Variants in GRM8 observed in about 807,000 individuals in gnomAD.
GRM8 encodes glutamate metabotropic receptor 8.
A neutral mutation model predicts 87.2 loss-of-function variants in GRM8; 47 were observed. That is an observed-to-expected ratio of 0.54 (90% CI 0.43 to 0.69). The LOEUF is 0.69. Ranked by LOEUF, GRM8 falls within the 30% of genes least tolerant of loss-of-function variation. The pLI is 0.00. For missense variants in GRM8, 1,019 were observed against 1,139.2 expected (o/e 0.89, Z 1.52); for synonymous variants, 396 against 404.5 (o/e 0.98, Z 0.25).
intron 3 of GRM8, among the ~76,000 whole-genome samples, chr7:126,926,462 T>A (rs186996940): frequency 3.8e-4 from 58 of 152,252 alleles, no homozygotes; most frequent in Admixed American, 3.4e-3. Context: ...TGGCCTTAGT[T>A]CAAGCCCTCC....
chr7:126,816,744 G>A lies in GRM8; in HGVS notation c.1157-46679C>T, dbSNP rs1025370355. Among the ~76,000 whole-genome samples the A allele has an allele frequency of 8.6e-5, 13 of 151,134 alleles. 1 individual carries two copies. Among genetic ancestry groups the A allele is most frequent in the Admixed American group, 5.3e-4 (8 of 15,112 alleles). ...ATAGTATATGATTTTGTGTGTGTGT[G>A]TGTGTGTGTGTGTGTGTGTGTGTGT... is the stretch of plus-strand genomic sequence containing the variant. On this transcript the variant is annotated intron_variant, in intron 6 of 10. Transcript: ENST00000339582.
chr7:126,663,066 C>T (rs1163022304), intron 7 of GRM8, among the ~76,000 whole-genome samples: 1 of 152,212 alleles, frequency 6.6e-6, no homozygotes, highest in Admixed American at 6.5e-5. Context: ...GCCTGCCTTT[C>T]TGGCATAGCT....
At chr7:126,631,243 C>A (rs977550761) in intron 7 of GRM8, among the ~76,000 whole-genome samples, 2 of 152,030 alleles carry the variant, frequency 1.3e-5, no homozygotes, top group East Asian at 3.9e-4. Context: ...CACCAACAGG[C>A]AAGCCAAGAG....
intron 3 of GRM8, among the ~76,000 whole-genome samples, chr7:126,974,729 T>G (rs1024396838): frequency 6.6e-6 from 1 of 151,916 alleles, no homozygotes; most frequent in Admixed American, 6.6e-5. Flanking sequence ...GTCAGGAGAT[T>G]GAGACCATCC....
At chr7:127,076,176 T>C (rs976809700) in intron 3 of GRM8, 2 of 456,558 alleles carry the variant, frequency 4.4e-6, no homozygotes, top group Non-Finnish European at 8.8e-6. Flanking sequence ...GTAAACAACT[T>C]GACATAGTAT....
intron 2 of GRM8, among the ~76,000 whole-genome samples, chr7:127,230,538 T>C (rs1797618931): frequency 6.6e-6 from 1 of 152,160 alleles, no homozygotes; most frequent in African/African-American, 2.4e-5. Context: ...CCTTGTGCTA[T>C]AGAATGAATG....
chr7:126,738,850 GGGGGAGGAAGAGGAGTA>G (rs1585729602), intron 7 of GRM8, among the ~76,000 whole-genome samples: 1 of 151,496 alleles, frequency 6.6e-6, no homozygotes, highest in South Asian at 2.1e-4. Flanking sequence ...AAAAGGAGGA[GGGGGAGGAAGAGGAGTA>G]GGGGAGGAAA....
At chr7:126,461,446 G>A (rs1405214727) in intron 9 of GRM8, among the ~76,000 whole-genome samples, 3 of 151,594 alleles carry the variant, frequency 2.0e-5, no homozygotes, top group Admixed American at 6.6e-5. Flanking sequence ...TTCCAAGAGA[G>A]TTGTTTCCAC....
intron 7 of GRM8, among the ~76,000 whole-genome samples, chr7:126,613,731 T>A (rs764345768): frequency 2.0e-4 from 31 of 152,164 alleles, no homozygotes; most frequent in Non-Finnish European, 3.1e-4. Context: ...GGAGATTATA[T>A]CCCACACCTG....
intron 7 of GRM8, among the ~76,000 whole-genome samples, chr7:126,645,020 C>A (rs753632508): frequency 6.6e-6 from 1 of 152,196 alleles, no homozygotes; most frequent in Non-Finnish European, 1.5e-5. Context: ...TGGTCATTCC[C>A]GGGCATAGGC....
chr7:127,227,735 T>A (rs1797427657), intron 2 of GRM8, among the ~76,000 whole-genome samples: 1 of 152,202 alleles, frequency 6.6e-6, no homozygotes. Flanking sequence ...TTATCCAGTA[T>A]CCTCCTCAGA....
chr7:126,708,002 T>C (rs1810716704), intron 7 of GRM8, among the ~76,000 whole-genome samples: 2 of 152,044 alleles, frequency 1.3e-5, no homozygotes, highest in Admixed American at 1.3e-4. Flanking sequence ...ATATCTAATA[T>C]TCAAATTATA....
intron 2 of GRM8, among the ~76,000 whole-genome samples, chr7:127,217,886 G>T (rs1796669040): frequency 6.6e-6 from 1 of 152,170 alleles, no homozygotes; most frequent in South Asian, 2.1e-4. Context: ...ATTAAGCTCT[G>T]AATTTTGGTA....
At chr7:126,552,592 C>T (rs902919532) in intron 8 of GRM8, among the ~76,000 whole-genome samples, 10 of 152,046 alleles carry the variant, frequency 6.6e-5, no homozygotes, top group Non-Finnish European at 1.3e-4. Context: ...GATTGAATAT[C>T]CAGTTAACCT....
intron 2 of GRM8, among the ~76,000 whole-genome samples, chr7:127,210,454 G>T (rs1796148150): frequency 6.6e-6 from 1 of 152,196 alleles, no homozygotes; most frequent in Non-Finnish European, 1.5e-5. Flanking sequence ...GAGCAGTGGT[G>T]TTGTAAGGGA....
chr7:126,992,778 A>G (rs1233740391), intron 3 of GRM8, among the ~76,000 whole-genome samples: 1 of 151,836 alleles, frequency 6.6e-6, no homozygotes, highest in Non-Finnish European at 1.5e-5. Flanking sequence ...ATAAGAAGAA[A>G]CACCAGAGAG....
intron 2 of GRM8, among the ~76,000 whole-genome samples, chr7:127,151,049 C>T (rs1266571147): frequency 6.6e-6 from 1 of 152,010 alleles, no homozygotes; most frequent in Non-Finnish European, 1.5e-5. Flanking sequence ...AAATGAAGCA[C>T]TTTCCTTCCT....
intron 3 of GRM8, among the ~76,000 whole-genome samples, chr7:127,016,602 C>CA (rs2132171663): frequency 6.6e-6 from 1 of 151,996 alleles, no homozygotes; most frequent in African/African-American, 2.4e-5. Flanking sequence ...ATGCACCAAA[C>CA]AAAAAATGAA....
intron 8 of GRM8, among the ~76,000 whole-genome samples, chr7:126,594,628 T>C (rs1380653655): frequency 6.6e-6 from 1 of 152,164 alleles, no homozygotes; most frequent in South Asian, 2.1e-4. Flanking sequence ...AAATTTCACT[T>C]AGGAGGAATA....
Sources: gnomAD v4.1 joint callset for allele counts (sites outside exome capture counted in the v4.1 genomes callset) on GRCh38, gnomAD v4.1.1 for gene constraint, MANE v1.5 for transcripts, NCBI Gene and HGNC (gene_info 2026-07-23, HGNC 2026-07-21) for gene names.